The following GSN variants were observed in gnomAD, a reference collection of about 807,000 sequenced individuals.
GSN encodes actin-depolymerizing factor.
GSN carries 56 observed loss-of-function variants against 85.7 expected under a neutral mutation model. That is an observed-to-expected ratio of 0.65 (90% CI 0.53 to 0.82). The LOEUF (loss-of-function observed/expected upper bound fraction) is 0.82, where lower values mean the gene tolerates loss of function less well. Ranked by LOEUF, GSN falls within the 40% of genes least tolerant of loss-of-function variation. The probability of loss-of-function intolerance (pLI) is 0.00; values close to 1 mark genes in which losing one functional copy is unlikely to be tolerated. For missense variants in GSN, 857 were observed against 979.8 expected, an observed-to-expected ratio of 0.87 and a Z score of 1.67; for synonymous variants, 373 against 399.1, an observed-to-expected ratio of 0.93 and a Z score of 0.78.
At chr9:121,248,865 G>C (rs528008901) in intron 6 of GSN, among the ~76,000 whole-genome samples, 75 of 152,260 alleles carry the variant, frequency 4.9e-4, no homozygotes, top group South Asian at 1.0e-3. Flanking sequence ...GGAAGGCCTT[G>C]GAGGCTGTGC....
intron 4 of GSN, among the ~76,000 whole-genome samples, chr9:121,217,625 A>T (rs1454961881): frequency 6.6e-6 from 1 of 151,802 alleles, no homozygotes; most frequent in African/African-American, 2.4e-5. Flanking sequence ...TTTTAATTTA[A>T]TTACCTCATT....
In GSN at chr9:121,299,127, CAT is replaced by C. The variant is rs2059502445; in HGVS notation, c.-9-2835_-9-2834del. On this transcript the variant is annotated intron_variant, in intron 2 of 17. Transcript: ENST00000432226. The surrounding 1 kb of genome is among the most constrained non-coding windows in gnomAD (Gnocchi z 4.2). ...TGGAGAGGGAACAACTGTGTACAAA[CAT>C]GTGACTTTACGTTTTGATCAAAATA... The C allele has an allele frequency of 5.8e-6, 1 of 171,828 alleles. No homozygotes were observed. The highest frequency in any genetic ancestry group is 1.2e-5 in the Non-Finnish European group (1 of 85,860). The allele number at this position is 171,828 out of a possible 1,614,324, so 10.6% of individuals were successfully genotyped here.
Position 121,302,928 on chromosome 9 carries a change from G to A in GSN, c.214G>A (p.Asp72Asn). 6.2e-7 allele frequency: 1 copy of A among 1,613,954 alleles called. No individual in the cohort carries two copies. The highest frequency in any genetic ancestry group is 8.5e-7 in the Non-Finnish European group (1 of 1,180,026). The change falls in exon 4 of 18, where the codon GAT becomes AAT. Residue 72 changes from aspartate to asparagine, a missense_variant. Coordinates refer to ENST00000432226, the MANE Select transcript of GSN (RefSeq NM_198252.3). ...TCCCGTAGGCAATGAGTGCAGCCAG[G>A]ATGAGAGCGGGGCGGCCGCCATCTT... is the stretch of plus-strand genomic sequence containing the variant. ...HYWLGNECSQDESGAAAIFTV... is the reference protein window; with the variant it reads ...HYWLGNECSQNESGAAAIFTV...
intron 1 of GSN, among the ~76,000 whole-genome samples, chr9:121,270,949 A>C (rs1295508023): frequency 3.3e-5 from 5 of 152,158 alleles, no homozygotes; most frequent in Non-Finnish European, 5.9e-5. Flanking sequence ...AGAAGTTAGA[A>C]GCACTGACTT....
Position 121,318,473 on chromosome 9 carries a change from G to A in GSN, c.954G>A (p.Met318Ile), listed in dbSNP as rs2061975445. The A allele has an allele frequency of 6.2e-7, 1 of 1,613,798 alleles. No homozygotes were observed. The highest frequency in any genetic ancestry group is 8.5e-7 in the Non-Finnish European group (1 of 1,179,686). Residue 318 changes from methionine (M) to isoleucine (I), a missense_variant, in exon 9 of 18, where the codon ATG becomes ATA. Transcript: ENST00000432226. This position sits in a 1 kb window ranked among gnomAD's most constrained non-coding sequence, Gnocchi z 4.3. ...LKTASDFITKMDYPKQTQVSV... is the reference protein window; with the variant it reads ...LKTASDFITKIDYPKQTQVSV... Reference sequence around the variant, plus strand: ...CAGCCTCTGACTTCATCACCAAGATGGACTACCCCAAGCAGACTCAGGTGA... The same window carrying A: ...CAGCCTCTGACTTCATCACCAAGATAGACTACCCCAAGCAGACTCAGGTGA...
intron 5 of GSN, chr9:121,312,070 A>G: frequency 4.9e-6 from 2 of 406,120 alleles, no homozygotes; most frequent in Non-Finnish European, 8.9e-6. Flanking sequence ...TATTCCCTTC[A>G]GCAGGCAAAC....
At chr9:121,325,693 G>T (rs2063068427) in intron 12 of GSN, among the ~76,000 whole-genome samples, 1 of 152,182 alleles carries the variant, frequency 6.6e-6, no homozygotes. Flanking sequence ...GGCATCGGGG[G>T]TTCGTGCCCT....
At chr9:121,281,159 A>T (rs1052285210) in intron 1 of GSN, 2 of 165,818 alleles carry the variant, frequency 1.2e-5, no homozygotes, top group East Asian at 3.4e-4. Flanking sequence ...CCAAAGAGCC[A>T]TCAGGAAAGA....
intron 5 of GSN, among the ~76,000 whole-genome samples, chr9:121,235,844 T>C (rs1175394197): frequency 6.6e-6 from 1 of 152,224 alleles, no homozygotes; most frequent in Non-Finnish European, 1.5e-5. Flanking sequence ...GCCTGGCTCC[T>C]ATTATACTTA....
At position 121,237,271 on chromosome 9, in the gene GSN, C is replaced by A. The variant is rs75491952; in HGVS notation, c.-389+5968C>A. On this transcript the variant is annotated intron_variant, in intron 5 of 24. Transcript: ENST00000373823. Reference sequence around the variant, plus strand: ...GAAAGAGCAAGTAGGCAGTCAAAATCATCTGCTAGGCTAGGGGTGATGTCT... The same window carrying A: ...GAAAGAGCAAGTAGGCAGTCAAAATAATCTGCTAGGCTAGGGGTGATGTCT... 7.9e-4 allele frequency among the ~76,000 whole-genome samples: 121 copies of A among 152,246 alleles called. 3 individuals are homozygous for A. The East Asian group carries it at 0.022, about 28-fold the overall frequency.
In GSN at chr9:121,229,173, TC is replaced by T. The variant is rs2054337330; in HGVS notation, c.-527-1989del. Among the ~76,000 whole-genome samples, 3 of 152,296 alleles carry T rather than the reference TC, an allele frequency of 2.0e-5. No homozygotes were observed. In the South Asian group the frequency reaches 6.2e-4, roughly 32 times the overall value. ...CAAGTCTCCATTAACCTGGAACAGTTCCCTCCCCCTACTTTGTCTTCAGTCT... is the reference window on the plus strand; with the variant it reads ...CAAGTCTCCATTAACCTGGAACAGTTCCTCCCCCTACTTTGTCTTCAGTCT... On this transcript the variant is annotated intron_variant, in intron 4 of 24. Transcript: ENST00000373823.
chr9:121,327,258 G>A, intron 13 of GSN, 50 bp from the exon 14 acceptor site: 1 of 1,479,872 alleles, frequency 6.8e-7, no homozygotes, highest in Non-Finnish European at 9.5e-7. Flanking sequence ...TGAGGAGGGG[G>A]CTGAGGGCTT....
chr9:121,202,819 C>T (rs530365611), upstream of GSN, among the ~76,000 whole-genome samples: 106 of 152,122 alleles, frequency 7.0e-4, no homozygotes, highest in African/African-American at 2.3e-3. Context: ...TCATTTTTTT[C>T]TTCTGACTTT....
chr9:121,268,137 C>A (rs1411642753), upstream of GSN: 3 of 151,744 alleles, frequency 2.0e-5, no homozygotes, highest in African/African-American at 7.3e-5. Context: ...GCCGCGCGCA[C>A]CACAACGCCC....
intron 2 of GSN, chr9:121,300,001 C>T (rs376281622): frequency 6.9e-7 from 1 of 1,452,140 alleles, no homozygotes; most frequent in South Asian, 1.6e-5. Context: ...GTGCCCGAGG[C>T]GCGGGTGAGT....
At chr9:121,234,770 G>A (rs2054460775) in intron 5 of GSN, among the ~76,000 whole-genome samples, 1 of 152,232 alleles carries the variant, frequency 6.6e-6, no homozygotes, top group African/African-American at 2.4e-5. Context: ...GATCGCTTAA[G>A]CCCAGGAGTT....
chr9:121,314,546 C>G (rs2061509540), intron 7 of GSN, among the ~76,000 whole-genome samples: 1 of 152,030 alleles, frequency 6.6e-6, no homozygotes. Context: ...TACGTTGTGC[C>G]CCAAGTATTT....
At chr9:121,312,577 G>GT in intron 6 of GSN, 89 bp downstream of exon 6, 11 of 964,526 alleles carry the variant, frequency 1.1e-5, no homozygotes, top group Middle Eastern at 3.6e-4. Flanking sequence ...GTGAATTTGA[G>GT]GAAAAAAAAA....
chr9:121,312,548 G>T, intron 6 of GSN, 60 bp downstream of exon 6: 1 of 1,290,008 alleles, frequency 7.8e-7, no homozygotes, highest in South Asian at 1.5e-5. Context: ...ACTTTCTTCT[G>T]TTCAGTAGGC....
Sources: gnomAD v4.1 joint callset for allele counts (sites outside exome capture counted in the v4.1 genomes callset) on GRCh38, gnomAD v4.1.1 for gene constraint, Gnocchi (gnomAD v3.1) non-coding constraint, MANE v1.5 for transcripts, NCBI Gene and HGNC (gene_info 2026-07-23, HGNC 2026-07-21) for gene names.